The following CSMD1 variants were observed in gnomAD, a reference collection of about 807,000 sequenced individuals.
CSMD1 encodes CUB and Sushi multiple domains 1, also known as CUB and sushi domain-containing protein 1.
A neutral mutation model predicts 417.5 loss-of-function variants in CSMD1; 213 were observed. The ratio of observed to expected loss-of-function variants is 0.51; its 90% confidence interval spans 0.46 to 0.57. CSMD1 has a LOEUF of 0.57. CSMD1 is among the 20% of genes least tolerant of loss of function. The pLI, the probability that CSMD1 is intolerant of heterozygous loss-of-function variation, is 0.00. For synonymous variants in CSMD1, 2,862 were observed against 1,736.8 expected (o/e 1.65, Z -16.11); for missense variants, 6,923 against 4,529.7 (o/e 1.53, Z -15.17).
chr8:4,970,980 G>A (rs1055624400), intron 1 of CSMD1, among the ~76,000 whole-genome samples: 2 of 152,092 alleles, frequency 1.3e-5, no homozygotes, highest in Admixed American at 1.3e-4. Context: ...AGAATAATAA[G>A]AGTGTTATTT....
chr8:4,437,561 C>T (rs905363748), intron 2 of CSMD1, among the ~76,000 whole-genome samples: 2 of 152,184 alleles, frequency 1.3e-5, no homozygotes, highest in Non-Finnish European at 2.9e-5. Context: ...CTGCAGATAT[C>T]TTGAGCAGAC....
intron 1 of CSMD1, among the ~76,000 whole-genome samples, chr8:4,692,843 C>G (rs1445345898): frequency 6.6e-6 from 1 of 152,208 alleles, no homozygotes; most frequent in Non-Finnish European, 1.5e-5. Flanking sequence ...GAACTACTTT[C>G]TCATCATACT....
chr8:4,432,016 A>G (rs938275461), intron 2 of CSMD1, among the ~76,000 whole-genome samples: 4 of 152,118 alleles, frequency 2.6e-5, no homozygotes, highest in African/African-American at 9.7e-5. Context: ...GTATTCTCAA[A>G]AGGCCTGCAA....
At chr8:4,424,004 A>G (rs925640145) in intron 2 of CSMD1, among the ~76,000 whole-genome samples, 1 of 152,100 alleles carries the variant, frequency 6.6e-6, no homozygotes, top group Non-Finnish European at 1.5e-5. Flanking sequence ...TTGGATGTCC[A>G]TAGCAAATAG....
chr8:4,432,390 A>T (rs1797920571), intron 2 of CSMD1, among the ~76,000 whole-genome samples: 1 of 152,170 alleles, frequency 6.6e-6, no homozygotes, highest in South Asian at 2.1e-4. Context: ...ACCTACACTA[A>T]GGCAGGTTTC....
chr8:3,357,083 C>G (rs972215456), intron 21 of CSMD1, among the ~76,000 whole-genome samples: 11 of 152,194 alleles, frequency 7.2e-5, no homozygotes, highest in African/African-American at 2.6e-4. Context: ...GAACTGAGAG[C>G]TCTGCAGCGG....
intron 5 of CSMD1, among the ~76,000 whole-genome samples, chr8:3,806,123 A>C (rs866038407): frequency 2.6e-5 from 4 of 152,258 alleles, no homozygotes; most frequent in Middle Eastern, 3.4e-3. Context: ...AGTATTTATG[A>C]AAGCATCAAA....
chr8:4,662,736 C>T (rs550150863), intron 1 of CSMD1, among the ~76,000 whole-genome samples: 15 of 152,284 alleles, frequency 9.9e-5, no homozygotes, highest in African/African-American at 2.4e-4. Flanking sequence ...GTCACATACA[C>T]CTCCTGCTCC....
chr8:3,567,392 T>A (rs957668508), intron 10 of CSMD1, among the ~76,000 whole-genome samples: 32 of 151,106 alleles, frequency 2.1e-4, no homozygotes, highest in African/African-American at 7.6e-4. Flanking sequence ...ATAACAAACC[T>A]GCATGTGTAT....
chr8:3,358,505 G>A lies in CSMD1; in HGVS notation c.3304+647C>T, dbSNP rs1808945424. Among the ~76,000 whole-genome samples the A allele has an allele frequency of 3.3e-5, 5 of 152,280 alleles. No individual in the cohort carries two copies. In the South Asian group the frequency reaches 1.0e-3, roughly 32 times the overall value. ...CTTAGAGTGGCACAGTTCCCAGATT[G>A]CTAATAAACGTCACCCCACTGGATC... On this transcript the variant is annotated intron_variant, in intron 21 of 69. Transcript: ENST00000635120.
intron 1 of CSMD1, among the ~76,000 whole-genome samples, chr8:4,769,192 C>G (rs1796482178): frequency 6.6e-6 from 1 of 152,170 alleles, no homozygotes; most frequent in Non-Finnish European, 1.5e-5. Flanking sequence ...AATAACACCA[C>G]ATACCTCATG....
At chr8:4,409,389 C>G (rs570117324) in intron 3 of CSMD1, among the ~76,000 whole-genome samples, 13 of 152,134 alleles carry the variant, frequency 8.5e-5, no homozygotes, top group Non-Finnish European at 1.6e-4. Context: ...GATAATTTAC[C>G]CTTTCTCAGT....
In CSMD1 at chr8:4,266,535, C is replaced by A. The variant is rs541040390; in HGVS notation, c.415+153418G>T. 1.9e-5 allele frequency among the ~76,000 whole-genome samples: 2 copies of A among 104,834 alleles called. 1 individual carries two copies. Among genetic ancestry groups the A allele is most frequent in the Non-Finnish European group, 5.1e-5 (2 of 38,914 alleles). The allele number at this position is 104,834 out of a possible 152,430, so 68.8% of individuals were successfully genotyped here. On this transcript the variant is annotated intron_variant, in intron 3 of 69. Transcript: ENST00000635120. Reference sequence around the variant, plus strand: ...TTAAAAAGTAGAACAATTTCATACTCATGCCTCATATCCTTCCTTCAGAAA... The same window carrying A: ...TTAAAAAGTAGAACAATTTCATACTAATGCCTCATATCCTTCCTTCAGAAA...
At chr8:3,474,275 A>C (rs1490276147) in intron 11 of CSMD1, among the ~76,000 whole-genome samples, 2 of 152,188 alleles carry the variant, frequency 1.3e-5, no homozygotes, top group Non-Finnish European at 2.9e-5. Flanking sequence ...AAAATGTTTC[A>C]AGTATATGAT....
chr8:3,301,771 A>C (rs1324819835), intron 25 of CSMD1, among the ~76,000 whole-genome samples: 2 of 152,176 alleles, frequency 1.3e-5, no homozygotes, highest in African/African-American at 4.8e-5. Context: ...GTCAACGTAC[A>C]GTGAGGGTAT....
In CSMD1 at chr8:3,946,269, C is replaced by T. The variant is rs193099164; in HGVS notation, c.818+51634G>A. Among the ~76,000 whole-genome samples, 37 of 152,214 alleles carry T rather than the reference C, an allele frequency of 2.4e-4. No homozygotes were observed. The East Asian group carries it at 6.6e-3, about 27-fold the overall frequency. Reference sequence around the variant, plus strand: ...ATATTGTAATTTCCATATTAGAGAACACAGTAAACTAGTCTCATCTCCTCA... The same window carrying T: ...ATATTGTAATTTCCATATTAGAGAATACAGTAAACTAGTCTCATCTCCTCA... On this transcript the variant is annotated intron_variant, in intron 5 of 69. Transcript: ENST00000635120.
At chr8:4,506,633 C>G (rs1802541269) in intron 2 of CSMD1, among the ~76,000 whole-genome samples, 1 of 152,126 alleles carries the variant, frequency 6.6e-6, no homozygotes, top group Non-Finnish European at 1.5e-5. Context: ...AACAAACAAC[C>G]TTGTTTTACA....
chr8:4,466,628 A>G (rs1800186786), intron 2 of CSMD1, among the ~76,000 whole-genome samples: 1 of 152,154 alleles, frequency 6.6e-6, no homozygotes, highest in African/African-American at 2.4e-5. Flanking sequence ...CAATTTTTTG[A>G]CTTTATTTAA....
At chr8:4,433,302 G>A (rs1174209885) in intron 2 of CSMD1, among the ~76,000 whole-genome samples, 1 of 152,058 alleles carries the variant, frequency 6.6e-6, no homozygotes, top group Non-Finnish European at 1.5e-5. Flanking sequence ...AGAAAAACTG[G>A]CTTCCACGAA....
Sources: allele counts gnomAD v4.1 joint callset (sites outside exome capture counted in the v4.1 genomes callset), GRCh38; gene constraint gnomAD v4.1.1; transcripts MANE v1.5; gene names NCBI Gene and HGNC (gene_info 2026-07-23, HGNC 2026-07-21).